Variants in CDC42BPA observed in about 807,000 individuals in gnomAD.
CDC42BPA encodes CDC42 binding protein kinase alpha, also known as serine/threonine-protein kinase MRCK alpha.
A neutral mutation model predicts 223.5 loss-of-function variants in CDC42BPA; 80 were observed. The observed-to-expected ratio is 0.36, with a 90% CI of 0.30 to 0.43. The LOEUF (loss-of-function observed/expected upper bound fraction) is 0.43. CDC42BPA is among the 20% of genes least tolerant of loss of function. The pLI, the probability that CDC42BPA is intolerant of heterozygous loss-of-function variation, is 1.00. For missense variants in CDC42BPA, 1,743 were observed against 2,099.9 expected, an observed-to-expected ratio of 0.83 and a Z score of 3.32; for synonymous variants, 694 against 718.6, an observed-to-expected ratio of 0.97 and a Z score of 0.55.
At chr1:227,284,139 A>G (rs1013326067) in intron 1 of CDC42BPA, among the ~76,000 whole-genome samples, 9 of 152,218 alleles carry the variant, frequency 5.9e-5, no homozygotes, top group African/African-American at 2.2e-4. Context: ...ATCTTCTATT[A>G]ATGCTTTGTC....
intron 5 of CDC42BPA, among the ~76,000 whole-genome samples, chr1:227,187,088 T>A (rs1668894258): frequency 6.6e-6 from 1 of 152,232 alleles, no homozygotes; most frequent in South Asian, 2.1e-4. Context: ...GCTCAAAGTC[T>A]ATACTTATTT....
rs142030346 is a variant in CDC42BPA at position 227,074,337 on chromosome 1, C to A, written c.2508G>T (p.Gly836=). The change falls in exon 18 of 37, where the codon GGG becomes GGT. Residue 836 remains glycine, a synonymous_variant. Coordinates refer to ENST00000366766, the MANE Select transcript of CDC42BPA (RefSeq NM_001394014.1). ...QWVSDEKDAR[G]YLQALASKMT... Reference sequence around the variant, plus strand: ...TTTTAGAAGCTAAGGCCTGAAGATACCCTCGTGCATCCTTTTCATCGCTGA... The same window carrying A: ...TTTTAGAAGCTAAGGCCTGAAGATAACCTCGTGCATCCTTTTCATCGCTGA... The A allele has an allele frequency of 8.7e-6, 14 of 1,613,282 alleles. No homozygotes were observed. The highest frequency in any genetic ancestry group is 6.7e-5 in the African/African-American group (5 of 74,860).
At chr1:227,282,623 C>G (rs1041450306) in intron 1 of CDC42BPA, among the ~76,000 whole-genome samples, 5 of 152,186 alleles carry the variant, frequency 3.3e-5, no homozygotes, top group Non-Finnish European at 5.9e-5. Flanking sequence ...AACAGTAATA[C>G]TGTTTGCTTA....
intron 2 of CDC42BPA, among the ~76,000 whole-genome samples, chr1:227,243,996 C>T (rs1042441948): frequency 1.3e-5 from 2 of 149,378 alleles, no homozygotes; most frequent in Non-Finnish European, 1.5e-5. Context: ...CGGCCACTCA[C>T]TCACCAAAAA....
chr1:227,203,990 T>G (rs1340077771), intron 3 of CDC42BPA, among the ~76,000 whole-genome samples: 1 of 152,170 alleles, frequency 6.6e-6, no homozygotes, highest in Admixed American at 6.5e-5. Flanking sequence ...AAGCATGAGT[T>G]AAAAAGAAAC....
At chr1:227,153,318 T>C (rs568838220) in intron 6 of CDC42BPA, among the ~76,000 whole-genome samples, 4 of 151,286 alleles carry the variant, frequency 2.6e-5, no homozygotes, top group Non-Finnish European at 5.9e-5. Flanking sequence ...TTTCAAAAAA[T>C]GCCAAAAAAA....
At chr1:227,153,031 A>G (rs1662076512) in intron 6 of CDC42BPA, among the ~76,000 whole-genome samples, 1 of 151,954 alleles carries the variant, frequency 6.6e-6, no homozygotes, top group African/African-American at 2.4e-5. Flanking sequence ...ATTCTGAATA[A>G]TATATACCTA....
intron 10 of CDC42BPA, among the ~76,000 whole-genome samples, chr1:227,133,834 C>G (rs1023868658): frequency 6.6e-6 from 1 of 151,954 alleles, no homozygotes; most frequent in Non-Finnish European, 1.5e-5. Flanking sequence ...TGCGGAAGGC[C>G]GCAGGGTCCT....
chr1:227,318,000 G>C lies in CDC42BPA; in HGVS notation c.-818C>G, dbSNP rs1385834763. The C allele has an allele frequency of 5.2e-6, 2 of 386,100 alleles. No individual in the cohort carries two copies. The highest frequency in any genetic ancestry group is 4.2e-5 in the African/African-American group (2 of 47,834). The allele number at this position is 386,100 out of a possible 1,614,324, so 23.9% of individuals were successfully genotyped here. ...GCGGGCTGCGGGCGGCACTGGCACC[G>C]GGCTCCGGAGAAGCGGCTACTTGGC... is the stretch of plus-strand genomic sequence containing the variant. On this transcript the variant is annotated 5_prime_UTR_variant, in exon 1 of 37. Coordinates refer to ENST00000366766, the MANE Select transcript of CDC42BPA (RefSeq NM_001394014.1).
intron 2 of CDC42BPA, among the ~76,000 whole-genome samples, chr1:227,225,002 G>A (rs1471026380): frequency 2.0e-5 from 3 of 152,140 alleles, no homozygotes; most frequent in Non-Finnish European, 2.9e-5. Context: ...TATATTCATG[G>A]AGCACACATT....
chr1:227,112,533 A>C lies in CDC42BPA; in HGVS notation c.1891-111T>G, dbSNP rs147960288. ...AACAGGAAGATAATTCAAATGTTTA[A>C]ATCCATATTAAATAATATTAATGAA... On this transcript the variant is annotated intron_variant, in intron 13 of 36. Coordinates refer to ENST00000366766, the MANE Select transcript of CDC42BPA (RefSeq NM_001394014.1). 2.3e-4 allele frequency: 227 copies of C among 966,144 alleles called. 2 individuals are homozygous for C. The East Asian group carries it at 4.6e-3, about 20-fold the overall frequency. 59.8% of individuals were successfully genotyped at this position (966,144 alleles called of 1,614,324 possible). A position where few individuals can be genotyped will look rare whatever the true frequency, so the allele number is the denominator to read the frequency against.
chr1:227,271,542 A>G (rs1474954818), intron 1 of CDC42BPA, among the ~76,000 whole-genome samples: 1 of 152,144 alleles, frequency 6.6e-6, no homozygotes, highest in Non-Finnish European at 1.5e-5. Context: ...AACGATACAA[A>G]TGACTCTGAT....
chr1:227,199,606 T>G lies in CDC42BPA; in HGVS notation c.401A>C (p.Asn134Thr), dbSNP rs758504283. The G allele has an allele frequency of 1.2e-6, 2 of 1,609,324 alleles. No individual in the cohort carries two copies. The highest frequency in any genetic ancestry group is 1.7e-6 in the Non-Finnish European group (2 of 1,177,012). The part of the protein sequence containing the change: ...EERDVLVNGD[N>T]KWITTLHYAF... ...ATAGTGCAAGGTTGTAATCCATTTA[T>G]TGTCTCCATTCACTAATACATCCCT... Residue 134 changes from asparagine to threonine, a missense_variant, in exon 4 of 37, where the codon AAT becomes ACT. Coordinates refer to ENST00000366766, the MANE Select transcript of CDC42BPA (RefSeq NM_001394014.1).
At chr1:227,030,595 C>T (rs1163266651) in intron 28 of CDC42BPA, 125 bp from the exon 29 acceptor site, 2 of 575,698 alleles carry the variant, frequency 3.5e-6, no homozygotes, top group Non-Finnish European at 6.1e-6. Context: ...ACAGTTTACA[C>T]TATTTCCTTT....
At chr1:227,043,405 T>C (rs1280275542) in intron 23 of CDC42BPA, among the ~76,000 whole-genome samples, 1 of 132,952 alleles carries the variant, frequency 7.5e-6, no homozygotes, top group Admixed American at 7.9e-5. Context: ...AAACGAGACT[T>C]CGTCTCAAAA....
intron 22 of CDC42BPA, among the ~76,000 whole-genome samples, chr1:227,051,127 C>T (rs1673452598): frequency 6.6e-6 from 1 of 152,186 alleles, no homozygotes; most frequent in African/African-American, 2.4e-5. Flanking sequence ...TCACACTTCA[C>T]TTCAGACAAC....
At chr1:227,073,589 A>T (rs12140758) in intron 19 of CDC42BPA, among the ~76,000 whole-genome samples, 1 of 151,888 alleles carries the variant, frequency 6.6e-6, no homozygotes, top group African/African-American at 2.4e-5. Context: ...AAAATTTGAG[A>T]GTCAACTAAA....
At chr1:227,077,229 T>C (rs1296334075) in intron 17 of CDC42BPA, among the ~76,000 whole-genome samples, 2 of 152,196 alleles carry the variant, frequency 1.3e-5, no homozygotes, top group African/African-American at 4.8e-5. Flanking sequence ...TTGGGCAAAT[T>C]ACTTCTCTTT....
intron 2 of CDC42BPA, among the ~76,000 whole-genome samples, chr1:227,239,912 C>T (rs891521491): frequency 1.3e-5 from 2 of 151,990 alleles, no homozygotes; most frequent in African/African-American, 2.4e-5. Flanking sequence ...ATTAGAGGTC[C>T]GAGCTAGTGC....
Sources: gnomAD v4.1 joint callset for allele counts (sites outside exome capture counted in the v4.1 genomes callset) on GRCh38, gnomAD v4.1.1 for gene constraint, MANE v1.5 for transcripts, NCBI Gene and HGNC (gene_info 2026-07-23, HGNC 2026-07-21) for gene names.